The following GRB2 variants were observed in gnomAD, a reference collection of about 807,000 sequenced individuals.
The protein encoded by GRB2 is growth factor receptor bound protein 2.
In GRB2, 2 loss-of-function variants were observed where a neutral mutation model predicts 27.4. That is an observed-to-expected ratio of 0.07 (90% CI 0.03 to 0.23). The LOEUF (loss-of-function observed/expected upper bound fraction) is 0.23, where lower values mean the gene tolerates loss of function less well. Among genes scored for constraint, GRB2 ranks in the 10% least tolerant of loss-of-function variants. The pLI is 1.00. For synonymous variants in GRB2, 94 were observed against 99.6 expected (o/e 0.94, Z 0.33); for missense variants, 102 against 282.4 (o/e 0.36, Z 4.58).
At position 75,320,300 on chromosome 17, in the gene GRB2, T is replaced by C. The variant is rs1201227649; in HGVS notation, c.*68A>G. 7.4e-7 allele frequency: 1 copy of C among 1,358,136 alleles called. No individual in the cohort carries two copies. The highest frequency in any genetic ancestry group is 1.4e-5 in the African/African-American group (1 of 69,954). 84.1% of individuals were successfully genotyped at this position (1,358,136 alleles called of 1,614,324 possible). A position where few individuals can be genotyped will look rare whatever the true frequency, so the allele number is the denominator to read the frequency against. On this transcript the variant is annotated 3_prime_UTR_variant, in exon 6 of 6. Transcript: ENST00000316804. This position sits in a 1 kb window ranked among gnomAD's most constrained non-coding sequence, Gnocchi z 4.3. ...CTCACAGGCTGCTGTCAGAGGCAGC[T>C]TGTGGGTTTAATTCTTTTGTATGTG...
At chr17:75,403,175 T>C (rs1483950025) in intron 1 of GRB2, among the ~76,000 whole-genome samples, 2 of 141,842 alleles carry the variant, frequency 1.4e-5, no homozygotes, top group Non-Finnish European at 3.0e-5. Flanking sequence ...TATATAAATA[T>C]ATATATATAT....
At chr17:75,331,001 CA>C (rs2078537445) in intron 3 of GRB2, among the ~76,000 whole-genome samples, 1 of 152,080 alleles carries the variant, frequency 6.6e-6, no homozygotes, top group African/African-American at 2.4e-5. Flanking sequence ...CCCTGCTCCC[CA>C]CCCCCACAAA....
At chr17:75,386,413 T>C (rs2078964348) in intron 2 of GRB2, among the ~76,000 whole-genome samples, 1 of 152,194 alleles carries the variant, frequency 6.6e-6, no homozygotes, top group Non-Finnish European at 1.5e-5. Flanking sequence ...CCACTGCGCT[T>C]GGCCTTAGAA....
At chr17:75,326,555 T>C (rs560565737) in intron 3 of GRB2, among the ~76,000 whole-genome samples, 3 of 152,252 alleles carry the variant, frequency 2.0e-5, no homozygotes, top group Non-Finnish European at 4.4e-5. Flanking sequence ...TGAGGGTGCC[T>C]CTACCAGTAA....
chr17:75,381,808 C>T (rs1251416249), intron 2 of GRB2, among the ~76,000 whole-genome samples: 1 of 151,828 alleles, frequency 6.6e-6, no homozygotes, highest in Non-Finnish European at 1.5e-5. Flanking sequence ...AACACATACC[C>T]CTTTCTTGTT....
chr17:75,323,934 G>T (rs1163840884), intron 4 of GRB2, among the ~76,000 whole-genome samples: 1 of 151,442 alleles, frequency 6.6e-6, no homozygotes, highest in Non-Finnish European at 1.5e-5. Flanking sequence ...TTCAGCCTCC[G>T]GAGTAGCTGG....
chr17:75,321,527 G>T, intron 5 of GRB2, 132 bp downstream of exon 5: 3 of 757,082 alleles, frequency 4.0e-6, no homozygotes, highest in Non-Finnish European at 6.6e-6. Context: ...TCAGTAAGGA[G>T]CACAGAAGCC....
At position 75,338,848 on chromosome 17, in the gene GRB2, C is replaced by T. The variant is rs2078599903; in HGVS notation, c.79-6051G>A. On this transcript the variant is annotated intron_variant, in intron 2 of 5. Coordinates refer to ENST00000316804, the MANE Select transcript of GRB2 (RefSeq NM_002086.5). ...GCAAATGGTCAACTTTCCTAAAATT[C>T]ACTGGACTTTCTCTAAGAAGTGTGG... 8 of 769,856 alleles carry T rather than the reference C, an allele frequency of 1.0e-5. No homozygotes were observed. The South Asian group carries it at 1.1e-4, about 10-fold the overall frequency. 47.7% of individuals were successfully genotyped at this position (769,856 alleles called of 1,614,324 possible). A position where few individuals can be genotyped will look rare whatever the true frequency, so the allele number is the denominator to read the frequency against.
At chr17:75,403,771 T>TA (rs1350993394) in intron 1 of GRB2, among the ~76,000 whole-genome samples, 1 of 142,488 alleles carries the variant, frequency 7.0e-6, no homozygotes, top group East Asian at 2.2e-4. Flanking sequence ...CTCAAAAAAA[T>TA]AAAATAAATA....
rs1162708794 is a variant in GRB2, at chr17:75,320,472, G to A, written c.550C>T (p.His184Tyr). The A allele has an allele frequency of 1.2e-6, 2 of 1,613,858 alleles. No individual in the cohort carries two copies. The highest frequency in any genetic ancestry group is 1.3e-5 in the African/African-American group (1 of 75,038). The stretch of plus-strand genomic sequence containing the variant: ...TTGGGGTCTGAGTTATCCATGACAT[G>A]GATAAAATCTCCCCGGCGGAAGCCC... The part of the protein sequence containing the change: ...ELGFRRGDFI[H>Y]VMDNSDPNWW... The change falls in exon 6 of 6, where the codon CAT (histidine) becomes TAT (tyrosine). Residue 184 changes from histidine to tyrosine, a missense_variant. Around this residue, in one of 3 missense-constraint regions of GRB2, gnomAD observed 57 missense variants for 152.9 expected, o/e 0.37. Transcript: ENST00000316804. The surrounding 1 kb of genome is among the most constrained non-coding windows in gnomAD (Gnocchi z 4.3).
chr17:75,400,986 G>A (rs1169057257), intron 1 of GRB2, among the ~76,000 whole-genome samples: 2 of 144,324 alleles, frequency 1.4e-5, no homozygotes, highest in Non-Finnish European at 3.0e-5. Flanking sequence ...TTTTTGAGAC[G>A]GAGTCTTGCT....
chr17:75,326,213 A>G (rs2078497588), intron 3 of GRB2, 193 bp from the exon 4 acceptor site: 1 of 601,152 alleles, frequency 1.7e-6, no homozygotes, highest in Non-Finnish European at 2.9e-6. Context: ...TCTTTAGCCT[A>G]CTCCATTTCC....
intron 2 of GRB2, among the ~76,000 whole-genome samples, chr17:75,380,336 T>C (rs147750325): frequency 5.8e-3 from 686 of 117,754 alleles, no homozygotes; most frequent in African/African-American, 0.017. Flanking sequence ...ACAAAACTAA[T>C]AGCTTGTAGT....
rs190279295 is a variant in GRB2 at position 75,318,943 on chromosome 17, T to C, written c.*1425A>G. On this transcript the variant is annotated 3_prime_UTR_variant, in exon 6 of 6. Transcript: ENST00000316804. ...GACTTGCTGGTTCCAGGGGTGCATA[T>C]AGGGAGGGGGCGGGGGCCACAACCC... The C allele has an allele frequency of 9.7e-4, 147 of 151,104 alleles. 1 individual carries two copies. The highest frequency in any genetic ancestry group is 5.5e-4 in the Non-Finnish European group (37 of 67,754). 9.4% of individuals were successfully genotyped at this position (151,104 alleles called of 1,614,324 possible). A position where few individuals can be genotyped will look rare whatever the true frequency, so the allele number is the denominator to read the frequency against.
At chr17:75,393,197 C>T (rs1427365620) in intron 2 of GRB2, among the ~76,000 whole-genome samples, 12 of 152,154 alleles carry the variant, frequency 7.9e-5, no homozygotes, top group Admixed American at 7.9e-4. Context: ...TACTTCAGGT[C>T]TGGGTCTTTT....
rs1406953365 is a variant in GRB2 at position 75,320,637 on chromosome 17, A to T, written c.469-84T>A. Reference sequence around the variant, plus strand: ...CCGAGGCCAGATGGGTTCCAGGGGGAAACGAATGCGTGCCAAATTCTCCAT... The same window carrying T: ...CCGAGGCCAGATGGGTTCCAGGGGGTAACGAATGCGTGCCAAATTCTCCAT... On this transcript the variant is annotated intron_variant, in intron 5 of 5. Transcript: ENST00000316804. The surrounding 1 kb of genome is among the most constrained non-coding windows in gnomAD (Gnocchi z 4.3). The T allele has an allele frequency of 4.1e-6, 4 of 972,062 alleles. No homozygotes were observed. The highest frequency in any genetic ancestry group is 4.8e-6 in the Non-Finnish European group (3 of 625,540). 60.2% of individuals were successfully genotyped at this position (972,062 alleles called of 1,614,324 possible).
At chr17:75,401,752 A>C (rs1216600334) in intron 1 of GRB2, among the ~76,000 whole-genome samples, 3 of 152,220 alleles carry the variant, frequency 2.0e-5, no homozygotes, top group Non-Finnish European at 4.4e-5. Context: ...CTACCTTATA[A>C]AGTCATTTTG....
At chr17:75,377,073 T>C (rs1425379209) in intron 2 of GRB2, among the ~76,000 whole-genome samples, 6 of 151,582 alleles carry the variant, frequency 4.0e-5, no homozygotes, top group Non-Finnish European at 5.9e-5. Flanking sequence ...TCCGAGCTAC[T>C]TGGGAGGCTG....
At chr17:75,363,339 CCA>C (rs1215761986) in intron 2 of GRB2, among the ~76,000 whole-genome samples, 2 of 152,136 alleles carry the variant, frequency 1.3e-5, no homozygotes, top group Non-Finnish European at 2.9e-5. Context: ...ACTTTTACTT[CCA>C]CACAGTCTCA....
Sources: gnomAD v4.1 joint callset for allele counts (sites outside exome capture counted in the v4.1 genomes callset) on GRCh38, gnomAD v4.1.1 for gene constraint, gnomAD v4.1.1 regional missense constraint, Gnocchi (gnomAD v3.1) non-coding constraint, MANE v1.5 for transcripts, NCBI Gene and HGNC (gene_info 2026-07-23, HGNC 2026-07-21) for gene names.